The following ASB3 variants were observed in gnomAD, a reference collection of about 807,000 sequenced individuals.
ASB3 encodes ankyrin repeat and SOCS box protein 3.
In ASB3, 41 loss-of-function variants were observed where a neutral mutation model predicts 54.5. The observed-to-expected ratio is 0.75, with a 90% CI of 0.59 to 0.98. ASB3 has a LOEUF of 0.98. Among genes scored for constraint, ASB3 ranks in the 50% least tolerant of loss-of-function variants. The probability of loss-of-function intolerance (pLI) is 0.00; values close to 1 mark genes in which losing one functional copy is unlikely to be tolerated. For missense variants in ASB3, 733 were observed against 620.0 expected, an observed-to-expected ratio of 1.18 and a Z score of -1.94; for synonymous variants, 266 against 221.2, an observed-to-expected ratio of 1.20 and a Z score of -1.80.
rs114101365 is a variant in ASB3, at chr2:53,784,148, G to A, written c.-14+2673C>T. Among the ~76,000 whole-genome samples the A allele has an allele frequency of 7.5e-3, 1,139 of 152,316 alleles. 17 individuals are homozygous for A. The highest frequency in any genetic ancestry group is 0.026 in the African/African-American group (1,093 of 41,554). On this transcript the variant is annotated intron_variant, in intron 1 of 9. Transcript: ENST00000263634. ...TGCAATCATACTTAATAGTTTTATA[G>A]CGAATGATGATTGTATAATTACAAT...
At chr2:53,714,104 A>G (rs1436558002) in intron 7 of ASB3, among the ~76,000 whole-genome samples, 1 of 152,188 alleles carries the variant, frequency 6.6e-6, no homozygotes, top group Non-Finnish European at 1.5e-5. Flanking sequence ...CAAAAATATC[A>G]GCAAATTTCT....
At chr2:53,748,034 T>C (rs1672321260) in intron 3 of ASB3, among the ~76,000 whole-genome samples, 1 of 152,232 alleles carries the variant, frequency 6.6e-6, no homozygotes, top group Non-Finnish European at 1.5e-5. Context: ...AGCTCTTCTC[T>C]TCCTAAATCC....
chr2:53,712,655 G>C (rs1245190841), intron 7 of ASB3, among the ~76,000 whole-genome samples: 1 of 152,088 alleles, frequency 6.6e-6, no homozygotes, highest in African/African-American at 2.4e-5. Context: ...AGGTGATGAG[G>C]CGTGAGCTTA....
intron 7 of ASB3, among the ~76,000 whole-genome samples, chr2:53,709,276 G>GA (rs879898058): frequency 3.9e-5 from 6 of 152,352 alleles, no homozygotes; most frequent in Admixed American, 2.0e-4. Context: ...TCAGGCCACT[G>GA]TTTCAGAGGG....
intron 7 of ASB3, among the ~76,000 whole-genome samples, chr2:53,701,335 T>A (rs1164479479): frequency 6.6e-6 from 1 of 152,174 alleles, no homozygotes; most frequent in Non-Finnish European, 1.5e-5. Context: ...ATACTACATC[T>A]TAAAATTAAT....
rs917752415 is a variant in ASB3 at position 53,747,920 on chromosome 2, G to C, written c.355+2863C>G. 3.3e-5 allele frequency among the ~76,000 whole-genome samples: 5 copies of C among 152,324 alleles called. No individual in the cohort carries two copies. In the South Asian group the frequency reaches 1.0e-3, roughly 32 times the overall value. ...ATATAGCACATAGTGTTTCGCAAATGTATGTGATTAGGAAACCTTTTGTCA... is the reference window on the plus strand; with the variant it reads ...ATATAGCACATAGTGTTTCGCAAATCTATGTGATTAGGAAACCTTTTGTCA... On this transcript the variant is annotated intron_variant, in intron 3 of 9. Coordinates refer to ENST00000263634, the MANE Select transcript of ASB3 (RefSeq NM_016115.5).
At chr2:53,739,227 T>C (rs923024395) in intron 3 of ASB3, among the ~76,000 whole-genome samples, 2 of 152,122 alleles carry the variant, frequency 1.3e-5, no homozygotes, top group African/African-American at 2.4e-5. Context: ...AAACAGGAAA[T>C]TGAGAAACTA....
At chr2:53,751,236 C>CA (rs1401640384) in intron 2 of ASB3, among the ~76,000 whole-genome samples, 3 of 152,062 alleles carry the variant, frequency 2.0e-5, no homozygotes, top group African/African-American at 7.2e-5. Flanking sequence ...GTAACAAAAG[C>CA]AATAGTCTGA....
intron 8 of ASB3, among the ~76,000 whole-genome samples, chr2:53,696,595 C>G (rs1158739322): frequency 6.6e-6 from 1 of 152,066 alleles, no homozygotes; most frequent in East Asian, 1.9e-4. Flanking sequence ...TGGCACAAAT[C>G]CCTCAGGTTA....
At chr2:53,769,238 C>T (rs1023053766) in intron 1 of ASB3, among the ~76,000 whole-genome samples, 4 of 152,174 alleles carry the variant, frequency 2.6e-5, no homozygotes, top group African/African-American at 4.8e-5. Context: ...TGGCTGGGCC[C>T]GGTAGCTCAC....
intron 9 of ASB3, among the ~76,000 whole-genome samples, chr2:53,673,125 G>T (rs971270218): frequency 6.6e-6 from 1 of 152,196 alleles, no homozygotes; most frequent in Non-Finnish European, 1.5e-5. Context: ...TAGTCAGATG[G>T]AAATGAAAGA....
At chr2:53,696,370 C>T (rs1026206785) in intron 8 of ASB3, among the ~76,000 whole-genome samples, 13 of 152,080 alleles carry the variant, frequency 8.5e-5, no homozygotes, top group African/African-American at 3.1e-4. Flanking sequence ...AAATTCTCAA[C>T]TGTTCACAAG....
intron 1 of ASB3, among the ~76,000 whole-genome samples, chr2:53,783,498 G>C (rs1448558416): frequency 6.6e-6 from 1 of 151,856 alleles, no homozygotes; most frequent in African/African-American, 2.4e-5. Flanking sequence ...TGAAAAATAG[G>C]ATTCATAGAG....
Position 53,772,128 on chromosome 2 carries a change from G to A in ASB3, c.-13-6543C>T, listed in dbSNP as rs548859813. Among the ~76,000 whole-genome samples the A allele has an allele frequency of 1.6e-4, 25 of 152,206 alleles. No individual in the cohort carries two copies. In the South Asian group the frequency reaches 5.2e-3, roughly 32 times the overall value. On this transcript the variant is annotated intron_variant, in intron 1 of 9. Coordinates refer to ENST00000263634, the MANE Select transcript of ASB3 (RefSeq NM_016115.5). Reference sequence around the variant, plus strand: ...GGCCAATAAGAAAAGTTAGAATGCAGAGTGCAAGGTAGACAACAACGTACA... The same window carrying A: ...GGCCAATAAGAAAAGTTAGAATGCAAAGTGCAAGGTAGACAACAACGTACA...
chr2:53,744,995 A>G (rs1672147137), intron 3 of ASB3, among the ~76,000 whole-genome samples: 1 of 152,246 alleles, frequency 6.6e-6, no homozygotes. Context: ...CCAAAAGCGC[A>G]TGCCATGCAG....
chr2:53,714,672 C>T, intron 6 of ASB3, 91 bp from the exon 7 acceptor site: 1 of 1,290,614 alleles, frequency 7.7e-7, no homozygotes, highest in Non-Finnish European at 1.1e-6. Context: ...TTCAGAATTA[C>T]CAACTGATTC....
chr2:53,770,481 C>A (rs940612979), intron 1 of ASB3, among the ~76,000 whole-genome samples: 1 of 141,430 alleles, frequency 7.1e-6, no homozygotes. Flanking sequence ...TTTGGTACTC[C>A]GTGGACGAAG....
intron 5 of ASB3, among the ~76,000 whole-genome samples, chr2:53,720,422 A>G (rs1334186563): frequency 6.6e-6 from 1 of 152,226 alleles, no homozygotes; most frequent in Non-Finnish European, 1.5e-5. Context: ...TGGGGTTCAC[A>G]GCAACACAGT....
At chr2:53,755,977 AC>A (rs112277299) in intron 2 of ASB3, among the ~76,000 whole-genome samples, 14,047 of 132,666 alleles carry the variant, frequency 0.11, 953 homozygotes, top group African/African-American at 0.21. Context: ...AAATAGTAAG[AC>A]CCCCCCCCCA....
Sources: allele counts gnomAD v4.1 joint callset (sites outside exome capture counted in the v4.1 genomes callset), GRCh38; gene constraint gnomAD v4.1.1; transcripts MANE v1.5; gene names NCBI Gene and HGNC (gene_info 2026-07-23, HGNC 2026-07-21).